Variants in DLG2 observed in about 807,000 individuals in gnomAD.
DLG2 encodes discs large MAGUK scaffold protein 2, also known as disks large homolog 2.
A neutral mutation model predicts 132.5 loss-of-function variants in DLG2; 45 were observed. That is an observed-to-expected ratio of 0.34 (90% confidence interval 0.27 to 0.44). The LOEUF is 0.44. Among genes scored for constraint, DLG2 ranks in the 20% least tolerant of loss-of-function variants. The pLI, the probability that DLG2 is intolerant of heterozygous loss-of-function variation, is 1.00. For missense variants in DLG2, 1,045 were observed against 1,196.9 expected (o/e 0.87, Z 1.87); for synonymous variants, 424 against 419.6 (o/e 1.01, Z -0.13).
At chr11:84,202,908 A>G (rs749314954) in intron 8 of DLG2, among the ~76,000 whole-genome samples, 4 of 152,200 alleles carry the variant, frequency 2.6e-5, no homozygotes, top group African/African-American at 9.6e-5. Flanking sequence ...CAAAACCACA[A>G]TGAGATACCA....
intron 21 of DLG2, among the ~76,000 whole-genome samples, chr11:83,487,400 A>T (rs538599029): frequency 1.3e-5 from 2 of 152,204 alleles, no homozygotes; most frequent in Non-Finnish European, 2.9e-5. Flanking sequence ...TCTCCATGCT[A>T]ACTTCATGAA....
intron 3 of DLG2, among the ~76,000 whole-genome samples, chr11:85,555,323 A>C (rs868435451): frequency 5.9e-5 from 9 of 152,084 alleles, no homozygotes; most frequent in African/African-American, 2.2e-4. Flanking sequence ...CCTTCAGACA[A>C]CTGAGATCTC....
chr11:83,895,897 C>T (rs2071512317), intron 15 of DLG2, among the ~76,000 whole-genome samples: 1 of 152,202 alleles, frequency 6.6e-6, no homozygotes, highest in African/African-American at 2.4e-5. Context: ...GTACCCCCAA[C>T]CCCATGTCTA....
chr11:85,451,483 T>C (rs2092242110), intron 3 of DLG2, among the ~76,000 whole-genome samples: 1 of 152,210 alleles, frequency 6.6e-6, no homozygotes, highest in Admixed American at 6.5e-5. Context: ...ACTTGCTTTA[T>C]TGTAATATTC....
chr11:85,411,624 C>CTAT (rs1248114449), intron 3 of DLG2, among the ~76,000 whole-genome samples: 60 of 151,816 alleles, frequency 4.0e-4, no homozygotes, highest in Middle Eastern at 6.3e-3. Flanking sequence ...CATATGCATA[C>CTAT]ATCCACATTT....
intron 6 of DLG2, among the ~76,000 whole-genome samples, chr11:85,104,409 T>C (rs563702120): frequency 1.3e-5 from 2 of 152,002 alleles, no homozygotes; most frequent in South Asian, 4.2e-4. Context: ...TGGTACAACA[T>C]GGACGAACCT....
chr11:84,039,487 G>A (rs542068121), intron 11 of DLG2, among the ~76,000 whole-genome samples: 1 of 107,456 alleles, frequency 9.3e-6, no homozygotes, highest in Non-Finnish European at 2.0e-5. Context: ...TTTTGTTCTT[G>A]CGATAGTTTA....
At chr11:85,029,612 T>C (rs555970559) in intron 6 of DLG2, among the ~76,000 whole-genome samples, 2 of 152,190 alleles carry the variant, frequency 1.3e-5, no homozygotes, top group Admixed American at 6.5e-5. Context: ...GCAGGTGACA[T>C]AGACTGTTAA....
chr11:84,043,608 C>A (rs2154110497), intron 11 of DLG2, among the ~76,000 whole-genome samples: 1 of 151,874 alleles, frequency 6.6e-6, no homozygotes, highest in Admixed American at 6.6e-5. Context: ...GAATGCTTGA[C>A]TAAATCAATA....
At chr11:84,063,353 CA>C (rs1280688606) in intron 10 of DLG2, among the ~76,000 whole-genome samples, 9 of 152,094 alleles carry the variant, frequency 5.9e-5, no homozygotes, top group Non-Finnish European at 8.8e-5. Flanking sequence ...ATTTTAGAAA[CA>C]AAAAGGATAG....
At chr11:85,612,260 A>T (rs2081061378) in intron 2 of DLG2, among the ~76,000 whole-genome samples, 1 of 152,242 alleles carries the variant, frequency 6.6e-6, no homozygotes, top group East Asian at 1.9e-4. Context: ...TTCCTATCAA[A>T]AATCCTTAAC....
chr11:83,952,270 C>T (rs1409126435), intron 14 of DLG2, among the ~76,000 whole-genome samples: 1 of 152,018 alleles, frequency 6.6e-6, no homozygotes, highest in Non-Finnish European at 1.5e-5. Context: ...TGCTTGAGCC[C>T]CAGGAGGCTG....
chr11:84,143,723 A>G (rs957432394), intron 9 of DLG2, among the ~76,000 whole-genome samples: 1 of 152,154 alleles, frequency 6.6e-6, no homozygotes, highest in African/African-American at 2.4e-5. Flanking sequence ...ATTTCGAGCT[A>G]CTAGTGTTTT....
At chr11:84,865,055 T>A (rs192341817) in intron 6 of DLG2, among the ~76,000 whole-genome samples, 14 of 152,254 alleles carry the variant, frequency 9.2e-5, no homozygotes, top group Admixed American at 3.9e-4. Flanking sequence ...GGCTTGACAG[T>A]GGCCAGAGGT....
At chr11:84,313,641 A>AAGAAAG (rs377286299) in intron 7 of DLG2, among the ~76,000 whole-genome samples, 1 of 129,180 alleles carries the variant, frequency 7.7e-6, no homozygotes, top group Non-Finnish European at 1.6e-5. Flanking sequence ...GAAAGAGAGA[A>AAGAAAG]AAAGAAAGAA....
At chr11:83,753,773 G>T (rs1452705944) in intron 18 of DLG2, among the ~76,000 whole-genome samples, 2 of 128,378 alleles carry the variant, frequency 1.6e-5, no homozygotes, top group African/African-American at 3.1e-5. Flanking sequence ...TATATGATAT[G>T]GCATATATAT....
intron 3 of DLG2, among the ~76,000 whole-genome samples, chr11:85,397,191 G>C (rs1243806291): frequency 6.6e-6 from 1 of 152,154 alleles, no homozygotes; most frequent in Non-Finnish European, 1.5e-5. Context: ...CTTCTTAAGA[G>C]AATGAGAAAT....
chr11:83,739,183 G>A (rs1232265729), intron 18 of DLG2, among the ~76,000 whole-genome samples: 1 of 151,880 alleles, frequency 6.6e-6, no homozygotes, highest in African/African-American at 2.4e-5. Flanking sequence ...ACCACTGATG[G>A]GTTAAGATAA....
intron 6 of DLG2, among the ~76,000 whole-genome samples, chr11:84,957,824 T>C (rs927065120): frequency 3.3e-5 from 5 of 152,222 alleles, no homozygotes; most frequent in Non-Finnish European, 7.3e-5. Context: ...CATGGTATGA[T>C]TGCTGTGTCT....
Sources: allele counts gnomAD v4.1 joint callset (sites outside exome capture counted in the v4.1 genomes callset), GRCh38; gene constraint gnomAD v4.1.1; transcripts MANE v1.5; gene names NCBI Gene and HGNC (gene_info 2026-07-23, HGNC 2026-07-21).